TMCO5A: variants seen among roughly 807,000 people sequenced by gnomAD.
TMCO5A encodes transmembrane and coiled-coil domains 5A.
A neutral mutation model predicts 42.3 loss-of-function variants in TMCO5A; 34 were observed. That is an observed-to-expected ratio of 0.80 (90% CI 0.61 to 1.07). TMCO5A has a LOEUF of 1.07. Ranked by LOEUF, TMCO5A falls within the 50% of genes least tolerant of loss-of-function variation. The probability of loss-of-function intolerance (pLI) is 0.00; values close to 1 mark genes in which losing one functional copy is unlikely to be tolerated. For missense variants in TMCO5A, 357 were observed against 327.9 expected (o/e 1.09, Z -0.69); for synonymous variants, 131 against 115.6 (o/e 1.13, Z -0.86).
the TMCO5A span, among the ~76,000 whole-genome samples, chr15:38,034,268 C>T: frequency 1.3e-5 from 2 of 152,138 alleles, no homozygotes; most frequent in Non-Finnish European, 2.9e-5. Context: ...ATCACATTGC[C>T]AATTAAGTTT....
the TMCO5A span, among the ~76,000 whole-genome samples, chr15:38,000,979 T>C: frequency 5.3e-5 from 8 of 152,218 alleles, no homozygotes; most frequent in African/African-American, 1.4e-4. Context: ...TCTGCAACCA[T>C]TGGATGAAAT....
chr15:37,954,428 A>G (rs1021687232), downstream of TMCO5A, among the ~76,000 whole-genome samples: 2 of 152,128 alleles, frequency 1.3e-5, no homozygotes, highest in Non-Finnish European at 2.9e-5. Flanking sequence ...TGAAATAAAC[A>G]TTTATCCTGC....
chr15:37,948,050 A>C (rs1890025349), intron 11 of TMCO5A, among the ~76,000 whole-genome samples: 7 of 152,074 alleles, frequency 4.6e-5, no homozygotes, highest in Admixed American at 4.6e-4. Flanking sequence ...TCCTAGTACC[A>C]TTGGTAGATT....
the TMCO5A span, among the ~76,000 whole-genome samples, chr15:38,012,765 C>T: frequency 6.6e-6 from 1 of 152,216 alleles, no homozygotes; most frequent in South Asian, 2.1e-4. Context: ...CTAATTCTTT[C>T]TTCGGCTTCC....
At chr15:38,024,554 A>T in the TMCO5A span, 1 of 152,232 alleles carries the variant, frequency 6.6e-6, no homozygotes, top group Non-Finnish European at 1.5e-5. Context: ...GAAGCCCCAA[A>T]CAAAAGATTT....
the TMCO5A span, among the ~76,000 whole-genome samples, chr15:38,035,162 G>A: frequency 6.6e-6 from 1 of 152,224 alleles, no homozygotes. Context: ...TCACATAGCT[G>A]CATTCTTGCA....
the TMCO5A span, among the ~76,000 whole-genome samples, chr15:38,013,988 G>A: frequency 3.0e-4 from 46 of 152,260 alleles, no homozygotes; most frequent in South Asian, 9.1e-3. Context: ...AAAGCTAGCA[G>A]TGTATCATCT....
the TMCO5A span, among the ~76,000 whole-genome samples, chr15:37,986,448 G>A: frequency 6.9e-6 from 1 of 145,430 alleles, no homozygotes; most frequent in African/African-American, 2.6e-5. Flanking sequence ...TTTTATTGTG[G>A]TAAAAAATAC....
chr15:37,992,371 G>A, the TMCO5A span, among the ~76,000 whole-genome samples: 1 of 152,076 alleles, frequency 6.6e-6, no homozygotes, highest in East Asian at 1.9e-4. Flanking sequence ...AGGTTGCAAA[G>A]GAACAGGAAC....
chr15:38,036,896 G>A, the TMCO5A span, among the ~76,000 whole-genome samples: 402 of 152,226 alleles, frequency 2.6e-3, 1 homozygote, highest in African/African-American at 9.0e-3. Flanking sequence ...GGCACAAAAC[G>A]AGGTGACATG....
At chr15:38,008,662 AC>A in the TMCO5A span, among the ~76,000 whole-genome samples, 9 of 152,328 alleles carry the variant, frequency 5.9e-5, no homozygotes, top group African/African-American at 2.2e-4. Context: ...TTCATTCCAC[AC>A]AGTGCCAGGC....
At chr15:37,947,572 T>A in intron 10 of TMCO5A, 84 bp from the exon 11 acceptor site, 1 of 894,382 alleles carries the variant, frequency 1.1e-6, no homozygotes, top group Non-Finnish European at 1.8e-6. Flanking sequence ...AAATAACATA[T>A]AACTAATGGC....
downstream of TMCO5A, among the ~76,000 whole-genome samples, chr15:37,952,926 A>C (rs1890195396): frequency 6.6e-6 from 1 of 152,228 alleles, no homozygotes; most frequent in African/African-American, 2.4e-5. Context: ...GTAGTCCGGC[A>C]GTACTCCCCA....
chr15:37,937,445 C>T (rs1288934463), intron 5 of TMCO5A, 49 bp downstream of exon 5: 4 of 1,591,930 alleles, frequency 2.5e-6, no homozygotes, highest in African/African-American at 1.3e-5. Context: ...CAGCCCCATT[C>T]ATCAAAGGGG....
the TMCO5A span, among the ~76,000 whole-genome samples, chr15:38,000,131 A>G: frequency 6.6e-6 from 1 of 152,188 alleles, no homozygotes; most frequent in South Asian, 2.1e-4. Flanking sequence ...AGAATTCAGC[A>G]ATGATGCCAT....
At chr15:37,986,380 G>GGTGT in the TMCO5A span, among the ~76,000 whole-genome samples, 14,805 of 139,102 alleles carry the variant, frequency 0.11, 762 homozygotes, top group Admixed American at 0.15. Context: ...GGTAAGGGAT[G>GGTGT]GTGTGTGTGT....
At position 37,950,272 on chromosome 15, in the gene TMCO5A, T is replaced by C. The variant is rs547184243; in HGVS notation, c.669-764T>C. Among the ~76,000 whole-genome samples the C allele has an allele frequency of 1.7e-3, 38 of 22,868 alleles. 1 individual carries two copies. In the Admixed American group the frequency reaches 0.018, roughly 11 times the overall value. 15.0% of individuals were successfully genotyped at this position (22,868 alleles called of 152,430 possible). ...TAACATAGACTTTTAATAGAAAATA[T>C]AAGTATATTTCAGGTCTTGGGATAG... is the stretch of plus-strand genomic sequence containing the variant. On this transcript the variant is annotated intron_variant, in intron 11 of 11. Transcript: ENST00000319669.
the TMCO5A span, among the ~76,000 whole-genome samples, chr15:38,010,529 AT>A: frequency 6.6e-6 from 1 of 151,836 alleles, no homozygotes; most frequent in South Asian, 2.1e-4. Context: ...CAATGATGTT[AT>A]CACGAGCGAA....
At chr15:37,972,341 G>A (rs1328077398), downstream of TMCO5A, among the ~76,000 whole-genome samples, 7 of 152,130 alleles carry the variant, frequency 4.6e-5, no homozygotes, top group South Asian at 2.1e-4. Context: ...CCCACAACCC[G>A]TGGGAATTCA....
Sources: allele counts gnomAD v4.1 joint callset (sites outside exome capture counted in the v4.1 genomes callset), GRCh38; gene constraint gnomAD v4.1.1; transcripts MANE v1.5; gene names NCBI Gene and HGNC (gene_info 2026-07-23, HGNC 2026-07-21).